Variants in DCLK2 observed in about 807,000 individuals in gnomAD.
DCLK2 encodes the protein serine/threonine-protein kinase DCLK2.
A neutral mutation model predicts 78.4 loss-of-function variants in DCLK2; 31 were observed. The ratio of observed to expected loss-of-function variants is 0.40; its 90% CI spans 0.30 to 0.53. DCLK2 has a LOEUF of 0.53. Ranked by LOEUF, DCLK2 falls within the 20% of genes least tolerant of loss-of-function variation. The pLI, the probability that DCLK2 is intolerant of heterozygous loss-of-function variation, is 0.61. For synonymous variants in DCLK2, 407 were observed against 374.9 expected (o/e 1.09, Z -0.99); for missense variants, 872 against 973.7 (o/e 0.90, Z 1.39).
chr4:150,255,607 G>A (rs1388302077), intron 15 of DCLK2, among the ~76,000 whole-genome samples: 1 of 152,202 alleles, frequency 6.6e-6, no homozygotes, highest in Admixed American at 6.5e-5. Context: ...GGACATGCGG[G>A]TAACTTTTCA....
intron 15 of DCLK2, chr4:150,253,968 A>G (rs1744372332): frequency 1.1e-6 from 1 of 943,324 alleles, no homozygotes; most frequent in East Asian, 1.2e-4. Context: ...TTGGGATAAG[A>G]GAAGATAATT....
intron 2 of DCLK2, among the ~76,000 whole-genome samples, chr4:150,124,664 G>A (rs1305054354): frequency 1.3e-5 from 2 of 152,126 alleles, no homozygotes; most frequent in South Asian, 2.1e-4. Context: ...ACCAAAAGTT[G>A]CATAAATGGA....
At chr4:150,216,130 T>C (rs1240544398) in intron 5 of DCLK2, among the ~76,000 whole-genome samples, 1 of 152,228 alleles carries the variant, frequency 6.6e-6, no homozygotes, top group East Asian at 1.9e-4. Flanking sequence ...TTCTTAACAT[T>C]TCTCCTTAAA....
At chr4:150,227,526 G>A (rs777234762) in intron 8 of DCLK2, among the ~76,000 whole-genome samples, 3 of 152,112 alleles carry the variant, frequency 2.0e-5, no homozygotes, top group Non-Finnish European at 4.4e-5. Context: ...ATCAAAGAGC[G>A]GTCTACCAGG....
chr4:150,079,115 T>G lies in DCLK2; in HGVS notation c.88T>G (p.Ser30Ala). The G allele has an allele frequency of 6.4e-7, 1 of 1,573,456 alleles. No homozygotes were observed. The highest frequency in any genetic ancestry group is 8.6e-7 in the Non-Finnish European group (1 of 1,162,354). Residue 30 changes from serine (S) to alanine (A), a missense_variant, in exon 1 of 16, where the codon TCC becomes GCC. This residue lies in a region of DCLK2 where 567 missense variants were observed against 593.4 expected (regional missense o/e 0.96). Transcript: ENST00000296550. The part of the protein sequence containing the change: ...RPGSRRGAPS[S>A]SGGSSSSGPK... Reference sequence around the variant, plus strand: ...GGGGTCGCGGAGAGGGGCCCCCAGCTCCTCCGGGGGCAGCAGCAGCTCGGG... The same window carrying G: ...GGGGTCGCGGAGAGGGGCCCCCAGCGCCTCCGGGGGCAGCAGCAGCTCGGG...
intron 5 of DCLK2, among the ~76,000 whole-genome samples, chr4:150,218,068 GCT>G (rs1016109018): frequency 6.8e-6 from 1 of 148,080 alleles, no homozygotes; most frequent in Admixed American, 6.7e-5. Flanking sequence ...TCTCTCTCTC[GCT>G]CTCTCTCTCC....
intron 5 of DCLK2, among the ~76,000 whole-genome samples, chr4:150,219,515 C>T (rs1460395056): frequency 6.6e-6 from 1 of 152,104 alleles, no homozygotes; most frequent in East Asian, 1.9e-4. Flanking sequence ...CCCGTCACGG[C>T]CTCCCAAAGT....
At chr4:150,251,839 C>T (rs950709431) in intron 15 of DCLK2, among the ~76,000 whole-genome samples, 33 of 150,674 alleles carry the variant, frequency 2.2e-4, no homozygotes, top group Admixed American at 5.3e-4. Flanking sequence ...CCCACTGGGC[C>T]GTCATTCTCT....
chr4:150,097,840 C>T (rs1265012132), intron 1 of DCLK2, among the ~76,000 whole-genome samples: 3 of 152,070 alleles, frequency 2.0e-5, no homozygotes, highest in South Asian at 2.1e-4. Flanking sequence ...AAAATGATTT[C>T]CCCTAAATTT....
chr4:150,246,094 G>C (rs1167816664), intron 12 of DCLK2, among the ~76,000 whole-genome samples: 1 of 151,198 alleles, frequency 6.6e-6, no homozygotes, highest in African/African-American at 2.4e-5. Context: ...GCCCAGGCTG[G>C]AATGCAGTGG....
intron 5 of DCLK2, among the ~76,000 whole-genome samples, chr4:150,212,436 C>G (rs1740387560): frequency 6.6e-6 from 1 of 152,198 alleles, no homozygotes; most frequent in South Asian, 2.1e-4. Context: ...TTGCTTTTCC[C>G]TGGAGCTTTG....
intron 5 of DCLK2, among the ~76,000 whole-genome samples, chr4:150,217,234 A>G (rs1435050979): frequency 6.6e-6 from 1 of 152,218 alleles, no homozygotes; most frequent in Non-Finnish European, 1.5e-5. Context: ...TTGCAAAGTC[A>G]CAGCTTTATT....
At chr4:150,254,867 A>T (rs1226698528) in intron 15 of DCLK2, among the ~76,000 whole-genome samples, 1 of 152,072 alleles carries the variant, frequency 6.6e-6, no homozygotes, top group Non-Finnish European at 1.5e-5. Flanking sequence ...CTTTGTGGAG[A>T]TGGAGTCTCT....
At chr4:150,239,620 G>A (rs1742758520) in intron 10 of DCLK2, 122 bp from the exon 11 acceptor site, 1 of 1,319,490 alleles carries the variant, frequency 7.6e-7, no homozygotes, top group Admixed American at 2.2e-5. Context: ...AAATCACAAG[G>A]AGAGATTTCA....
At position 150,125,744 on chromosome 4, in the gene DCLK2, A is replaced by G. The variant is rs188143107; in HGVS notation, c.756+22932A>G. Among the ~76,000 whole-genome samples, 1,447 of 152,174 alleles carry G rather than the reference A, an allele frequency of 9.5e-3. 10 individuals are homozygous for G. Among genetic ancestry groups the G allele is most frequent in the Non-Finnish European group, 0.014 (980 of 68,018 alleles). On this transcript the variant is annotated intron_variant, in intron 2 of 15. Coordinates refer to ENST00000296550, the MANE Select transcript of DCLK2 (RefSeq NM_001040260.4). ...ATCTCTACTAAAAATACAAAAAATT[A>G]GCTGGGCGTGGTGGCATGCACCTGT...
rs1454035697 is a variant in DCLK2 at position 150,175,011 on chromosome 4, A to AAAAAAAATATATATATATATAT, written c.757-18126_757-18125insAAAAAATATATATATATATATA. ...AGACTCCGTCGCAAAAAAAAAAAAA[A>AAAAAAAATATATATATATATAT]ATATATATATATATATATATATTTA... On this transcript the variant is annotated intron_variant, in intron 2 of 15. Transcript: ENST00000296550. Among the ~76,000 whole-genome samples, 2 of 9,976 alleles carry AAAAAAAATATATATATATATAT rather than the reference A, an allele frequency of 2.0e-4. 1 individual carries two copies. Among genetic ancestry groups the AAAAAAAATATATATATATATAT allele is most frequent in the African/African-American group, 5.3e-4 (2 of 3,794 alleles). The allele number at this position is 9,976 out of a possible 152,430, so 6.5% of individuals were successfully genotyped here.
chr4:150,142,573 C>T (rs566271435), intron 2 of DCLK2, among the ~76,000 whole-genome samples: 4 of 152,086 alleles, frequency 2.6e-5, no homozygotes, highest in Non-Finnish European at 4.4e-5. Context: ...TATTTGTTGG[C>T]GTCAGAATTG....
chr4:150,250,511 ACT>A lies in DCLK2; in HGVS notation c.2073+829_2073+830del, dbSNP rs3214879. On this transcript the variant is annotated intron_variant, in intron 15 of 15. Coordinates refer to ENST00000296550, the MANE Select transcript of DCLK2 (RefSeq NM_001040260.4). ...GCAGGGACCTTGGTTCTCCCCACAC[ACT>A]CCCAGGAGCAGGGAACAGGGGTGGA... Among the ~76,000 whole-genome samples, 31 of 151,782 alleles carry A rather than the reference ACT, an allele frequency of 2.0e-4. No individual in the cohort carries two copies. In the East Asian group the frequency reaches 6.0e-3, roughly 29 times the overall value.
At chr4:150,097,849 T>G (rs1011466837) in intron 1 of DCLK2, among the ~76,000 whole-genome samples, 19 of 152,186 alleles carry the variant, frequency 1.2e-4, no homozygotes, top group Middle Eastern at 3.2e-3. Flanking sequence ...TCCCCTAAAT[T>G]TTTTACAGTT....
Sources: gnomAD v4.1 joint callset for allele counts (sites outside exome capture counted in the v4.1 genomes callset) on GRCh38, gnomAD v4.1.1 for gene constraint, gnomAD v4.1.1 regional missense constraint, MANE v1.5 for transcripts, NCBI Gene and HGNC (gene_info 2026-07-23, HGNC 2026-07-21) for gene names.